The following HS6ST3 variants were observed in gnomAD, a reference collection of about 807,000 sequenced individuals.
HS6ST3 encodes the protein heparan-sulfate 6-O-sulfotransferase 3.
A neutral mutation model predicts 36.7 loss-of-function variants in HS6ST3; 12 were observed. The ratio of observed to expected loss-of-function variants is 0.33; its 90% CI spans 0.21 to 0.53. The LOEUF (loss-of-function observed/expected upper bound fraction) is 0.53, where lower values mean the gene tolerates loss of function less well. HS6ST3 is among the 20% of genes least tolerant of loss of function. The probability of loss-of-function intolerance (pLI) is 0.95; values close to 1 mark genes in which losing one functional copy is unlikely to be tolerated. For synonymous variants in HS6ST3, 240 were observed against 257.5 expected (o/e 0.93, Z 0.65); for missense variants, 584 against 640.9 (o/e 0.91, Z 0.96).
At chr13:96,126,403 A>G (rs916611305) in intron 1 of HS6ST3, among the ~76,000 whole-genome samples, 5 of 152,252 alleles carry the variant, frequency 3.3e-5, no homozygotes, top group African/African-American at 7.2e-5. Context: ...CACAGGTGCA[A>G]CTAGCTGGGG....
intron 1 of HS6ST3, among the ~76,000 whole-genome samples, chr13:96,595,784 C>G (rs2056399364): frequency 1.3e-5 from 2 of 151,230 alleles, no homozygotes; most frequent in African/African-American, 4.9e-5. Context: ...TACACAAGTA[C>G]TTTTTCTCCA....
At chr13:96,582,445 A>G (rs2056345450) in intron 1 of HS6ST3, among the ~76,000 whole-genome samples, 1 of 152,246 alleles carries the variant, frequency 6.6e-6, no homozygotes, top group Admixed American at 6.5e-5. Context: ...AATAAAATTC[A>G]TGGAAAGAAG....
At chr13:96,475,612 CAAAA>C (rs1251970502) in intron 1 of HS6ST3, among the ~76,000 whole-genome samples, 2 of 91,576 alleles carry the variant, frequency 2.2e-5, no homozygotes, top group Non-Finnish European at 4.8e-5. Flanking sequence ...GGAGTACTAC[CAAAA>C]AAAAAAAAAA....
At chr13:96,255,128 G>T (rs996025318) in intron 1 of HS6ST3, among the ~76,000 whole-genome samples, 1 of 152,176 alleles carries the variant, frequency 6.6e-6, no homozygotes, top group African/African-American at 2.4e-5. Context: ...CTGTTACCTA[G>T]CTGGAACAAG....
intron 1 of HS6ST3, among the ~76,000 whole-genome samples, chr13:96,523,601 C>T (rs138210735): frequency 1.9e-4 from 29 of 151,912 alleles, no homozygotes; most frequent in African/African-American, 6.5e-4. Flanking sequence ...TGTCTTCTTT[C>T]TTTATTTCAT....
chr13:96,401,141 T>C (rs1401085415), intron 1 of HS6ST3, among the ~76,000 whole-genome samples: 4 of 152,172 alleles, frequency 2.6e-5, no homozygotes, highest in African/African-American at 9.7e-5. Flanking sequence ...TGGACCTTCC[T>C]TCTATTGGGA....
rs528125817 is a variant in HS6ST3, at chr13:96,343,376, G to A, written c.707+251807G>A. On this transcript the variant is annotated intron_variant, in intron 1 of 1. Transcript: ENST00000376705. ...TACCCAGCTTCTAGAGCCTGCCCAC[G>A]TTCCTTGGCCTGTGGCACCTTTTAT... Among the ~76,000 whole-genome samples the A allele has an allele frequency of 2.6e-5, 4 of 152,282 alleles. No homozygotes were observed. In the South Asian group the frequency reaches 6.2e-4, roughly 24 times the overall value.
At chr13:96,571,081 A>G (rs748492658) in intron 1 of HS6ST3, among the ~76,000 whole-genome samples, 11 of 152,224 alleles carry the variant, frequency 7.2e-5, no homozygotes, top group Non-Finnish European at 1.2e-4. Flanking sequence ...AGAGATGTGC[A>G]TGGTGAGAAA....
At chr13:96,112,823 TGAA>T (rs1210927213) in intron 1 of HS6ST3, among the ~76,000 whole-genome samples, 2 of 151,244 alleles carry the variant, frequency 1.3e-5, no homozygotes, top group Admixed American at 6.6e-5. Context: ...TTAAATAAAA[TGAA>T]GAAGAAGAGG....
At chr13:96,102,421 G>T (rs2053822636) in intron 1 of HS6ST3, among the ~76,000 whole-genome samples, 1 of 152,140 alleles carries the variant, frequency 6.6e-6, no homozygotes, top group South Asian at 2.1e-4. Context: ...GGGGGAGGTT[G>T]CAGTGAGCCA....
chr13:96,246,642 GTGTT>G (rs1230249193), intron 1 of HS6ST3, among the ~76,000 whole-genome samples: 2 of 152,112 alleles, frequency 1.3e-5, no homozygotes, highest in Non-Finnish European at 2.9e-5. Flanking sequence ...CAGAAATACA[GTGTT>G]TGTTTCCTTT....
chr13:96,196,377 G>A (rs546460988), intron 1 of HS6ST3, among the ~76,000 whole-genome samples: 26 of 152,192 alleles, frequency 1.7e-4, no homozygotes, highest in African/African-American at 6.0e-4. Context: ...CATCTCCTAA[G>A]TGTCTCCCCC....
intron 1 of HS6ST3, among the ~76,000 whole-genome samples, chr13:96,526,256 C>T (rs907022240): frequency 6.6e-6 from 1 of 152,088 alleles, no homozygotes; most frequent in Non-Finnish European, 1.5e-5. Context: ...TGTGATGCAC[C>T]GCTGACGAGC....
chr13:96,102,283 T>C (rs777010576), intron 1 of HS6ST3, among the ~76,000 whole-genome samples: 1 of 152,200 alleles, frequency 6.6e-6, no homozygotes. Context: ...CTGTGTACAT[T>C]GGAAGTGTCC....
intron 1 of HS6ST3, among the ~76,000 whole-genome samples, chr13:96,261,601 C>T (rs543071895): frequency 2.2e-4 from 33 of 152,276 alleles, no homozygotes; most frequent in African/African-American, 7.5e-4. Flanking sequence ...AACTGCTTTT[C>T]CTCAGCTCTG....
intron 1 of HS6ST3, among the ~76,000 whole-genome samples, chr13:96,499,891 T>C (rs1354718171): frequency 6.6e-6 from 1 of 152,184 alleles, no homozygotes; most frequent in Non-Finnish European, 1.5e-5. Context: ...AGCAGCATGA[T>C]CTGACGTCAG....
chr13:96,259,156 CTG>C (rs1392393102), intron 1 of HS6ST3, among the ~76,000 whole-genome samples: 1 of 150,238 alleles, frequency 6.7e-6, no homozygotes, highest in Non-Finnish European at 1.5e-5. Flanking sequence ...ATGTGTGTGT[CTG>C]TGTGTTTGTG....
At chr13:96,518,750 T>C (rs377436699) in intron 1 of HS6ST3, among the ~76,000 whole-genome samples, 1 of 152,190 alleles carries the variant, frequency 6.6e-6, no homozygotes, top group Non-Finnish European at 1.5e-5. Context: ...TCCACTTATA[T>C]TGTGTTCCTG....
At chr13:96,171,387 G>A (rs2054187054) in intron 1 of HS6ST3, among the ~76,000 whole-genome samples, 1 of 152,124 alleles carries the variant, frequency 6.6e-6, no homozygotes, top group South Asian at 2.1e-4. Flanking sequence ...CCCAGCTGCA[G>A]GGCTGTACTT....
Sources: allele counts gnomAD v4.1 joint callset (sites outside exome capture counted in the v4.1 genomes callset), GRCh38; gene constraint gnomAD v4.1.1; transcripts MANE v1.5; gene names NCBI Gene and HGNC (gene_info 2026-07-23, HGNC 2026-07-21).